Variants in FAM89A observed in about 807,000 individuals in gnomAD.
The protein encoded by FAM89A is family with sequence similarity 89 member A, also known as protein FAM89A.
In FAM89A, 10 loss-of-function variants were observed where a neutral mutation model predicts 7.1. The observed-to-expected ratio is 1.40, with a 90% CI of 0.86 to 2.38. The LOEUF is 2.38. FAM89A is among the 30% of genes most tolerant of loss of function. FAM89A has a pLI of 0.00. For missense variants in FAM89A, 276 were observed against 262.8 expected (o/e 1.05, Z -0.35); for synonymous variants, 157 against 129.3 (o/e 1.21, Z -1.45).
At chr1:231,036,014 C>A (rs546631649) in intron 1 of FAM89A, among the ~76,000 whole-genome samples, 48 of 152,086 alleles carry the variant, frequency 3.2e-4, no homozygotes, top group Non-Finnish European at 6.0e-4. Context: ...GCAGCAAGGC[C>A]AAAATTGAGG....
At chr1:231,032,387 C>T (rs1227641906) in intron 1 of FAM89A, among the ~76,000 whole-genome samples, 1 of 95,384 alleles carries the variant, frequency 1.0e-5, no homozygotes, top group African/African-American at 3.9e-5. Flanking sequence ...CCCCCGCCAG[C>T]CCCCACCCCC....
At chr1:231,021,032 G>A (rs151277662) in intron 1 of FAM89A, among the ~76,000 whole-genome samples, 36 of 152,274 alleles carry the variant, frequency 2.4e-4, no homozygotes, top group African/African-American at 7.5e-4. Context: ...AGAACCACCC[G>A]GGGATCTTGT....
chr1:231,039,819 C>T, intron 1 of FAM89A, 102 bp downstream of exon 1: 1 of 1,145,876 alleles, frequency 8.7e-7, no homozygotes, highest in Non-Finnish European at 1.1e-6. Context: ...CCCGAAAGGG[C>T]GGGTGGGCGC....
chr1:231,032,160 C>A (rs977461828), intron 1 of FAM89A, among the ~76,000 whole-genome samples: 7 of 152,206 alleles, frequency 4.6e-5, no homozygotes, highest in Non-Finnish European at 2.9e-5. Context: ...ATTTAACAGT[C>A]ATACTGCAAA....
intron 1 of FAM89A, among the ~76,000 whole-genome samples, chr1:231,030,928 G>C (rs1680056219): frequency 6.6e-6 from 1 of 152,138 alleles, no homozygotes. Context: ...TGGACAACAT[G>C]GCAAAACTCT....
intron 1 of FAM89A, among the ~76,000 whole-genome samples, chr1:231,022,742 A>T (rs564914680): frequency 6.6e-6 from 1 of 152,330 alleles, no homozygotes; most frequent in Admixed American, 6.5e-5. Context: ...TCTGCAAATC[A>T]AGAGAAGCTC....
chr1:231,023,355 G>A (rs1464697874), intron 1 of FAM89A, among the ~76,000 whole-genome samples: 7 of 152,170 alleles, frequency 4.6e-5, no homozygotes, highest in African/African-American at 7.2e-5. Context: ...CCTCAGGTTC[G>A]CTCAGGGGCA....
chr1:231,039,977 G>GCGCTGCCGCCCGGGCCC lies in FAM89A; in HGVS notation c.218_234dup (p.Leu79GlyfsTer153). The stretch of plus-strand genomic sequence containing the variant: ...TCCAGGTTGGGAGGCTTGGCGGGCA[G>GCGCTGCCGCCCGGGCCC]CGCTGCCGCCCGGGCCCCGCCGCCG... On this transcript the variant is annotated frameshift_variant, in exon 1 of 2. Transcript: ENST00000366654. LOFTEE classifies it high-confidence loss of function. 5 of 1,377,126 alleles carry GCGCTGCCGCCCGGGCCC rather than the reference G, an allele frequency of 3.6e-6. No individual in the cohort carries two copies. Among genetic ancestry groups the GCGCTGCCGCCCGGGCCC allele is most frequent in the Middle Eastern group, 2.7e-4 (1 of 3,762 alleles). 85.3% of individuals were successfully genotyped at this position (1,377,126 alleles called of 1,614,324 possible).
At chr1:231,031,286 A>C (rs1295654698) in intron 1 of FAM89A, among the ~76,000 whole-genome samples, 1 of 152,166 alleles carries the variant, frequency 6.6e-6, no homozygotes, top group Non-Finnish European at 1.5e-5. Context: ...CTGGGAAATG[A>C]AGGAGTATTT....
intron 1 of FAM89A, among the ~76,000 whole-genome samples, chr1:231,034,292 G>A (rs1680123226): frequency 6.6e-6 from 1 of 152,136 alleles, no homozygotes; most frequent in South Asian, 2.1e-4. Context: ...GAGGCATGAG[G>A]GGTAAAGAAT....
intron 1 of FAM89A, among the ~76,000 whole-genome samples, chr1:231,023,650 G>A (rs1364264183): frequency 6.6e-6 from 1 of 152,196 alleles, no homozygotes; most frequent in African/African-American, 2.4e-5. Context: ...TATGTGAAAA[G>A]AAAATTGTTT....
chr1:231,036,981 TTATAA>T (rs1299861324), intron 1 of FAM89A, among the ~76,000 whole-genome samples: 1 of 152,242 alleles, frequency 6.6e-6, no homozygotes, highest in Admixed American at 6.5e-5. Flanking sequence ...ACTGAAGTCA[TTATAA>T]TATATCTTGA....
intron 1 of FAM89A, among the ~76,000 whole-genome samples, chr1:231,032,398 C>A (rs879863309): frequency 7.6e-6 from 1 of 131,120 alleles, no homozygotes; most frequent in Admixed American, 7.8e-5. Context: ...CCCCACCCCC[C>A]ACCCCCAGCA....
At chr1:231,030,297 C>A (rs923709328) in intron 1 of FAM89A, among the ~76,000 whole-genome samples, 108 of 152,194 alleles carry the variant, frequency 7.1e-4, no homozygotes, top group African/African-American at 2.5e-3. Flanking sequence ...ACTGTGCCCC[C>A]AGATTAACCC....
At chr1:231,020,193 C>T in intron 1 of FAM89A, 67 bp from the exon 2 acceptor site, 4 of 1,476,086 alleles carry the variant, frequency 2.7e-6, no homozygotes, top group Non-Finnish European at 3.6e-6. Context: ...CAGTGGAACA[C>T]TCAGCCGGCG....
At chr1:231,020,373 C>A (rs574866451) in intron 1 of FAM89A, among the ~76,000 whole-genome samples, 1 of 152,186 alleles carries the variant, frequency 6.6e-6, no homozygotes, top group Non-Finnish European at 1.5e-5. Context: ...GGGCAGCCTG[C>A]AGAATTTACC....
At chr1:231,025,479 T>A (rs568413477) in intron 1 of FAM89A, among the ~76,000 whole-genome samples, 1 of 152,126 alleles carries the variant, frequency 6.6e-6, no homozygotes, top group African/African-American at 2.4e-5. Flanking sequence ...TTTCCAGTAC[T>A]GTACTCAGGA....
chr1:231,024,471 T>C (rs967741202), intron 1 of FAM89A, among the ~76,000 whole-genome samples: 1 of 151,330 alleles, frequency 6.6e-6, no homozygotes, highest in Non-Finnish European at 1.5e-5. Flanking sequence ...CTCTCTACTA[T>C]GGCCTGAATA....
In FAM89A at chr1:231,040,008, G is replaced by A; in HGVS notation, c.204C>T (p.Gly68=). 2.8e-6 allele frequency: 4 copies of A among 1,414,068 alleles called. No homozygotes were observed. Among genetic ancestry groups the A allele is most frequent in the Middle Eastern group, 2.5e-4 (1 of 3,946 alleles). The allele number at this position is 1,414,068 out of a possible 1,614,324, so 87.6% of individuals were successfully genotyped here. ...CCGCCCGGGCCCCGCCGCCGCCCGG[G>A]CCCCCGCGGCTCAGCTCGTCCTGGA... The part of the protein sequence containing the change: ...SRIQDELSRG[G]PGGGGARAAA... Residue 68 remains glycine (G), a synonymous_variant, in exon 1 of 2, where the codon GGC becomes GGT. Transcript: ENST00000366654.
Sources: allele counts gnomAD v4.1 joint callset (sites outside exome capture counted in the v4.1 genomes callset), GRCh38; gene constraint gnomAD v4.1.1; transcripts MANE v1.5; gene names NCBI Gene and HGNC (gene_info 2026-07-23, HGNC 2026-07-21).